The following EIF2AK3 variants were observed in gnomAD, a reference collection of about 807,000 sequenced individuals.
The protein encoded by EIF2AK3 is eukaryotic translation initiation factor 2-alpha kinase 3.
A neutral mutation model predicts 113.5 loss-of-function variants in EIF2AK3; 50 were observed. The observed-to-expected ratio is 0.44, with a 90% CI of 0.35 to 0.56. The LOEUF (loss-of-function observed/expected upper bound fraction) is 0.56, where lower values mean the gene tolerates loss of function less well. EIF2AK3 is among the 20% of genes least tolerant of loss of function. EIF2AK3 has a pLI of 0.00. For missense variants in EIF2AK3, 1,185 were observed against 1,378.0 expected, an observed-to-expected ratio of 0.86 and a Z score of 2.22; for synonymous variants, 448 against 495.4, an observed-to-expected ratio of 0.90 and a Z score of 1.27.
intron 14 of EIF2AK3, among the ~76,000 whole-genome samples, chr2:88,568,928 T>A (rs965228534): frequency 2.6e-5 from 4 of 152,180 alleles, no homozygotes; most frequent in African/African-American, 9.7e-5. Context: ...TCTTGCTCTG[T>A]CACCCAGGCT....
intron 14 of EIF2AK3, among the ~76,000 whole-genome samples, chr2:88,568,858 G>C (rs547184541): frequency 2.6e-5 from 4 of 152,284 alleles, no homozygotes; most frequent in Non-Finnish European, 5.9e-5. Flanking sequence ...ATAATTGGTA[G>C]ACAAACTACA....
intron 11 of EIF2AK3, among the ~76,000 whole-genome samples, chr2:88,578,687 A>G (rs1674525100): frequency 6.6e-6 from 1 of 152,046 alleles, no homozygotes; most frequent in African/African-American, 2.4e-5. Context: ...GTCTCAAAAA[A>G]AAAAAAAAAA....
chr2:88,595,390 T>TA lies in EIF2AK3; in HGVS notation c.633+78dup, dbSNP rs1674993179. On this transcript the variant is annotated intron_variant, in intron 3 of 16. Transcript: ENST00000303236. ...AATTACAATAAAACTCAACTAATAA[T>TA]AAGTGTAGTTTAATAAATTACTTTT... is the stretch of plus-strand genomic sequence containing the variant. 3 of 1,343,766 alleles carry TA rather than the reference T, an allele frequency of 2.2e-6. No individual in the cohort carries two copies. In the African/African-American group the frequency reaches 4.4e-5, roughly 20 times the overall value. 83.2% of individuals were successfully genotyped at this position (1,343,766 alleles called of 1,614,324 possible).
At chr2:88,562,260 CTTTTT>C (rs201080614) in intron 15 of EIF2AK3, 24 bp downstream of exon 15, 3 of 1,552,360 alleles carry the variant, frequency 1.9e-6, no homozygotes, top group Admixed American at 3.4e-5. Flanking sequence ...CTGTTTGAAA[CTTTTT>C]TTTTGAGTAG....
rs1675899275 is a variant in EIF2AK3 at position 88,627,382 on chromosome 2, GC to G, written c.-109del. 7.8e-7 allele frequency: 1 copy of G among 1,280,868 alleles called. No homozygotes were observed. Among genetic ancestry groups the G allele is most frequent in the Admixed American group, 3.7e-5 (1 of 27,058 alleles). 79.3% of individuals were successfully genotyped at this position (1,280,868 alleles called of 1,614,324 possible). ...AGGACGTGCTAGGGACCCTACTGCC[GC>G]CCCGACGGCCTGGACAGCCAGCCGT... On this transcript the variant is annotated 5_prime_UTR_variant, in exon 1 of 17. Coordinates refer to ENST00000303236, the MANE Select transcript of EIF2AK3 (RefSeq NM_004836.7).
chr2:88,627,315 T>C lies in EIF2AK3; in HGVS notation c.-41A>G, dbSNP rs891054081. Reference sequence around the variant, plus strand: ...CGCGCAGGCATGGAGGCGCAGCCACTGACGCCTGCCTCTCCCGCCGCTTGG... The same window carrying C: ...CGCGCAGGCATGGAGGCGCAGCCACCGACGCCTGCCTCTCCCGCCGCTTGG... On this transcript the variant is annotated 5_prime_UTR_variant, in exon 1 of 17. Transcript: ENST00000303236. The C allele has an allele frequency of 2.8e-6, 4 of 1,453,670 alleles. No homozygotes were observed. The Admixed American group carries it at 9.5e-5, about 34-fold the overall frequency. 90.0% of individuals were successfully genotyped at this position (1,453,670 alleles called of 1,614,324 possible).
chr2:88,563,743 T>C (rs1674026001), intron 14 of EIF2AK3, among the ~76,000 whole-genome samples: 1 of 152,226 alleles, frequency 6.6e-6, no homozygotes, highest in Non-Finnish European at 1.5e-5. Flanking sequence ...GGAAATCTTT[T>C]CTAAGAATAT....
chr2:88,597,223 A>G (rs763528075), intron 2 of EIF2AK3, among the ~76,000 whole-genome samples: 7 of 152,112 alleles, frequency 4.6e-5, no homozygotes, highest in Non-Finnish European at 8.8e-5. Flanking sequence ...CACTATTCTA[A>G]TTCACTTCTT....
intron 1 of EIF2AK3, 117 bp downstream of exon 1, chr2:88,626,850 C>A: frequency 7.2e-7 from 1 of 1,380,572 alleles, no homozygotes. Flanking sequence ...CGCCAGCTGC[C>A]CTCCGCAGCC....
intron 10 of EIF2AK3, among the ~76,000 whole-genome samples, chr2:88,581,350 T>C (rs1362166654): frequency 6.6e-6 from 1 of 152,184 alleles, no homozygotes; most frequent in East Asian, 1.9e-4. Context: ...TTATTCATGA[T>C]ACCGCATTTA....
In EIF2AK3 at chr2:88,574,922, G is replaced by C. The variant is rs1459173233; in HGVS notation, c.2561C>G (p.Ser854Cys). The part of the protein sequence containing the change: ...SSKSSSEATL[S>C]ISPPRPTTLS... ...AGTGGTTGGTCTTGGAGGAGAAATA[G>C]ACAATGTAGCTTCAGAAGAAGATTT... Residue 854 changes from serine (S) to cysteine (C), a missense_variant, in exon 13 of 17, where the codon TCT becomes TGT. Physicochemically the swap from Ser to Cys is moderately radical, Grantham distance 112. This residue lies in a region of EIF2AK3 where 877 missense variants were observed against 1,024.2 expected (regional missense o/e 0.86). Transcript: ENST00000303236. 6.2e-7 allele frequency: 1 copy of C among 1,614,198 alleles called. No homozygotes were observed. Among genetic ancestry groups the C allele is most frequent in the Admixed American group, 1.7e-5 (1 of 60,022 alleles).
At chr2:88,564,552 GACACAC>G (rs528714550) in intron 14 of EIF2AK3, among the ~76,000 whole-genome samples, 1 of 149,140 alleles carries the variant, frequency 6.7e-6, no homozygotes, top group African/African-American at 2.5e-5. Flanking sequence ...CCATTTCCAA[GACACAC>G]ACACACACAC....
chr2:88,611,918 C>T (rs1322022507), intron 2 of EIF2AK3, among the ~76,000 whole-genome samples: 2 of 152,112 alleles, frequency 1.3e-5, no homozygotes, highest in African/African-American at 4.8e-5. Context: ...TCACCACGCC[C>T]GGCCTACGAT....
chr2:88,608,513 C>T (rs1675343803), intron 2 of EIF2AK3, among the ~76,000 whole-genome samples: 1 of 151,932 alleles, frequency 6.6e-6, no homozygotes, highest in Admixed American at 6.6e-5. Context: ...ACAACTGGCC[C>T]TCTTCCCTAC....
At chr2:88,588,219 T>A in intron 7 of EIF2AK3, 115 bp from the exon 8 acceptor site, 1 of 686,926 alleles carries the variant, frequency 1.5e-6, no homozygotes, top group Non-Finnish European at 2.2e-6. Flanking sequence ...CATAATTCAA[T>A]TCAAACATAT....
chr2:88,616,307 C>G (rs1675568067), intron 1 of EIF2AK3, among the ~76,000 whole-genome samples: 1 of 152,206 alleles, frequency 6.6e-6, no homozygotes, highest in Non-Finnish European at 1.5e-5. Flanking sequence ...CAGACCCCCT[C>G]AACTCTTCAA....
At chr2:88,615,924 G>A (rs775078798) in intron 1 of EIF2AK3, among the ~76,000 whole-genome samples, 9 of 151,946 alleles carry the variant, frequency 5.9e-5, no homozygotes, top group South Asian at 4.1e-4. Context: ...GATAAATCCC[G>A]TGGTCAGGTC....
intron 9 of EIF2AK3, 115 bp from the exon 10 acceptor site, chr2:88,583,657 AT>A (rs1244299235): frequency 3.8e-6 from 3 of 784,986 alleles, no homozygotes; most frequent in Non-Finnish European, 6.4e-6. Context: ...ATCAAGAAAA[AT>A]AAAAGCATTA....
intron 1 of EIF2AK3, among the ~76,000 whole-genome samples, chr2:88,614,315 CT>C (rs1026477672): frequency 4.6e-5 from 7 of 152,242 alleles, no homozygotes; most frequent in African/African-American, 1.7e-4. Flanking sequence ...CTCCATGTAT[CT>C]CATTGCCATT....
Sources: allele counts gnomAD v4.1 joint callset (sites outside exome capture counted in the v4.1 genomes callset), GRCh38; gene constraint gnomAD v4.1.1; regional missense constraint gnomAD v4.1.1; transcripts MANE v1.5; gene names NCBI Gene and HGNC (gene_info 2026-07-23, HGNC 2026-07-21).